The following TCAIM variants were observed in gnomAD, a reference collection of about 807,000 sequenced individuals.
The protein encoded by TCAIM is T-cell activation inhibitor, mitochondrial.
TCAIM carries 36 observed loss-of-function variants against 58.6 expected under a neutral mutation model. That is an observed-to-expected ratio of 0.61 (90% CI 0.47 to 0.81). The LOEUF (loss-of-function observed/expected upper bound fraction) is 0.81. Among genes scored for constraint, TCAIM ranks in the 30% least tolerant of loss-of-function variants. TCAIM has a pLI of 0.00. For synonymous variants in TCAIM, 172 were observed against 193.6 expected, an observed-to-expected ratio of 0.89 and a Z score of 0.93; for missense variants, 466 against 579.6, an observed-to-expected ratio of 0.80 and a Z score of 2.01.
At chr3:44,338,499 C>G (rs1056302502), upstream of TCAIM, 1 of 152,446 alleles carries the variant, frequency 6.6e-6, no homozygotes, top group Non-Finnish European at 1.5e-5. Flanking sequence ...ACCTGCAGCT[C>G]GTCCCCCTGC....
At position 44,357,802 on chromosome 3, in the gene TCAIM, G is replaced by A; in HGVS notation, c.91G>A (p.Glu31Lys). 1 of 1,614,176 alleles carries A rather than the reference G, an allele frequency of 6.2e-7. No individual in the cohort carries two copies. The highest frequency in any genetic ancestry group is 8.5e-7 in the Non-Finnish European group (1 of 1,180,022). ...FPFSRALSGA[E>K]AVNALRPFYF... is the part of the protein sequence containing the mutation. ...CTTTTCAAGAGCTTTATCGGGAGCT[G>A]AAGCAGTCAATGCCTTGAGGCCTTT... The change falls in exon 3 of 11, where the codon GAA becomes AAA. Residue 31 changes from glutamate (E) to lysine (K), a missense_variant. Glu to Lys is a moderately conservative substitution (Grantham distance 56). Transcript: ENST00000342649.
rs1701295119 is a variant in TCAIM, at chr3:44,361,489, C to A, written c.290C>A (p.Ser97Tyr). 6.2e-7 allele frequency: 1 copy of A among 1,605,988 alleles called. No individual in the cohort carries two copies. The highest frequency in any genetic ancestry group is 1.3e-5 in the African/African-American group (1 of 74,602). The stretch of plus-strand genomic sequence containing the variant: ...GTAAGAGAAACAGACCAGAGTTCCT[C>A]CGATGGCCAGGAACCTTTTAGTACT... ...FYVRETDQSS[S>Y]DGQEPFSTSG... is the part of the protein sequence containing the mutation. Residue 97 changes from serine (S) to tyrosine (Y), a missense_variant, in exon 4 of 11, where the codon TCC (serine) becomes TAC (tyrosine). By Grantham distance (144) the Ser-to-Tyr change is moderately radical. Transcript: ENST00000342649.
In TCAIM at chr3:44,375,365, A is replaced by G. The variant is rs187245842; in HGVS notation, c.572+7657A>G. On this transcript the variant is annotated intron_variant, in intron 5 of 10. Transcript: ENST00000342649. ...TAGGGACTTCAGAAAGCTTCCCCTC[A>G]TGGTAGAAGGGAAAGAAGAACAAGC... is the stretch of plus-strand genomic sequence containing the variant. Among the ~76,000 whole-genome samples, 28 of 152,268 alleles carry G rather than the reference A, an allele frequency of 1.8e-4. No homozygotes were observed. In the East Asian group the frequency reaches 5.4e-3, roughly 29 times the overall value.
Position 44,363,920 on chromosome 3 carries a change from CTTTTTTTTTTTTTTT to C in TCAIM, c.319+2415_319+2429del, listed in dbSNP as rs56361211. Among the ~76,000 whole-genome samples, 10 of 67,390 alleles carry C rather than the reference CTTTTTTTTTTTTTTT, an allele frequency of 1.5e-4. 1 individual carries two copies. In the Admixed American group the frequency reaches 2.2e-3, roughly 15 times the overall value. The allele number at this position is 67,390 out of a possible 152,430, so 44.2% of individuals were successfully genotyped here. A position where few individuals can be genotyped will look rare whatever the true frequency, so the allele number is the denominator to read the frequency against. On this transcript the variant is annotated intron_variant, in intron 4 of 10. Transcript: ENST00000342649. ...CAACTGGACAACACAGCAAGTCTGT[CTTTTTTTTTTTTTTT>C]TTTTTTTTTTTTCATACGGAGTCTC...
intron 4 of TCAIM, 109 bp from the exon 5 acceptor site, chr3:44,367,347 G>A (rs1376158371): frequency 6.1e-6 from 8 of 1,303,230 alleles, no homozygotes; most frequent in Non-Finnish European, 8.1e-6. Context: ...TTGCTAATAG[G>A]ACGAATTTAA....
chr3:44,348,830 T>C (rs1432824489), intron 1 of TCAIM, among the ~76,000 whole-genome samples: 3 of 152,088 alleles, frequency 2.0e-5, no homozygotes, highest in Admixed American at 6.5e-5. Flanking sequence ...GTTTTTATAT[T>C]TGATGAAAAA....
chr3:44,356,773 C>G (rs1244104370), intron 2 of TCAIM, among the ~76,000 whole-genome samples: 1 of 148,816 alleles, frequency 6.7e-6, no homozygotes, highest in East Asian at 2.0e-4. Context: ...TGAGACCAGC[C>G]TGACCAACAT....
At chr3:44,360,795 G>A (rs796381821) in intron 3 of TCAIM, among the ~76,000 whole-genome samples, 1 of 151,784 alleles carries the variant, frequency 6.6e-6, no homozygotes, top group Non-Finnish European at 1.5e-5. Flanking sequence ...TTGTAGAGTC[G>A]AGGTTTCACC....
intron 2 of TCAIM, among the ~76,000 whole-genome samples, chr3:44,355,416 G>C (rs1322231351): frequency 6.6e-6 from 1 of 152,178 alleles, no homozygotes; most frequent in Non-Finnish European, 1.5e-5. Flanking sequence ...TCAAATACCA[G>C]ACTAAGGAGT....
chr3:44,349,943 G>T (rs996522218), intron 1 of TCAIM, among the ~76,000 whole-genome samples: 1 of 151,818 alleles, frequency 6.6e-6, no homozygotes, highest in Non-Finnish European at 1.5e-5. Context: ...GGTCGTAGGT[G>T]GATCTTTCTT....
chr3:44,376,064 T>A (rs1701560659), intron 5 of TCAIM, among the ~76,000 whole-genome samples: 1 of 152,204 alleles, frequency 6.6e-6, no homozygotes, highest in South Asian at 2.1e-4. Flanking sequence ...TCAAAGAAGC[T>A]GATTGCAGTC....
chr3:44,375,587 A>G (rs1701552297), intron 5 of TCAIM, among the ~76,000 whole-genome samples: 1 of 152,244 alleles, frequency 6.6e-6, no homozygotes, highest in Non-Finnish European at 1.5e-5. Context: ...TTAAATTTCA[A>G]CGTGAGATTT....
At chr3:44,349,044 A>G (rs1422803229) in intron 1 of TCAIM, among the ~76,000 whole-genome samples, 1 of 152,070 alleles carries the variant, frequency 6.6e-6, no homozygotes, top group Non-Finnish European at 1.5e-5. Context: ...AGCGGAGGCT[A>G]AGGAAGAATT....
chr3:44,361,410 A>G lies in TCAIM; in HGVS notation c.211A>G (p.Asn71Asp). 6.2e-7 allele frequency: 1 copy of G among 1,612,846 alleles called. No homozygotes were observed. Among genetic ancestry groups the G allele is most frequent in the East Asian group, 2.2e-5 (1 of 44,850 alleles). ...TAAAAGGTTAAGTGTCTACCTAGAA[A>G]ACCTCCAGAAACCAGGCTTCAAGTC... ...SLKRLSVYLE[N>D]LQKPGFKSLK... The change falls in exon 4 of 11, where the codon AAC (asparagine) becomes GAC (aspartate). Residue 71 changes from asparagine (N) to aspartate (D), a missense_variant. Coordinates refer to ENST00000342649, the MANE Select transcript of TCAIM (RefSeq NM_173826.4).
intron 5 of TCAIM, among the ~76,000 whole-genome samples, chr3:44,376,278 T>C (rs941975693): frequency 6.6e-6 from 1 of 152,210 alleles, no homozygotes; most frequent in Admixed American, 6.5e-5. Context: ...AATGGATGAA[T>C]GGGTGAGTTA....
At chr3:44,379,930 A>C (rs1379235251) in intron 5 of TCAIM, among the ~76,000 whole-genome samples, 1 of 152,162 alleles carries the variant, frequency 6.6e-6, no homozygotes, top group South Asian at 2.1e-4. Context: ...CAGGAACAAT[A>C]ACTATCAGGT....
chr3:44,350,907 G>C (rs1701074351), intron 1 of TCAIM, among the ~76,000 whole-genome samples: 2 of 152,044 alleles, frequency 1.3e-5, no homozygotes, highest in African/African-American at 4.8e-5. Flanking sequence ...ACTAAATCTA[G>C]GTTATTTTGT....
intron 10 of TCAIM, among the ~76,000 whole-genome samples, chr3:44,405,942 A>C (rs1575285021): frequency 9.0e-6 from 1 of 111,240 alleles, no homozygotes; most frequent in Non-Finnish European, 1.9e-5. Flanking sequence ...ACAGAGCAAG[A>C]CTCCATCTCA....
chr3:44,383,935 G>A (rs574410739), intron 5 of TCAIM, among the ~76,000 whole-genome samples: 1 of 151,926 alleles, frequency 6.6e-6, no homozygotes, highest in Admixed American at 6.6e-5. Flanking sequence ...AAAAAATAAG[G>A]TTAGGAAAAA....
Sources: allele counts gnomAD v4.1 joint callset (sites outside exome capture counted in the v4.1 genomes callset), GRCh38; gene constraint gnomAD v4.1.1; transcripts MANE v1.5; gene names NCBI Gene and HGNC (gene_info 2026-07-23, HGNC 2026-07-21).